The following FAF1 variants were observed in gnomAD, a reference collection of about 807,000 sequenced individuals.
The protein encoded by FAF1 is Fas associated factor 1, also known as FAS-associated factor 1.
In FAF1, 25 loss-of-function variants were observed where a neutral mutation model predicts 92.5. The ratio of observed to expected loss-of-function variants is 0.27; its 90% confidence interval spans 0.20 to 0.38. The LOEUF (loss-of-function observed/expected upper bound fraction) is 0.38. FAF1 is among the 10% of genes least tolerant of loss of function. The pLI is 1.00. For missense variants in FAF1, 636 were observed against 793.3 expected (o/e 0.80, Z 2.38); for synonymous variants, 234 against 273.2 (o/e 0.86, Z 1.42).
At chr1:50,688,983 T>A (rs1175801516) in intron 7 of FAF1, among the ~76,000 whole-genome samples, 1 of 152,140 alleles carries the variant, frequency 6.6e-6, no homozygotes, top group Non-Finnish European at 1.5e-5. Flanking sequence ...ATTAAGAATT[T>A]GACAGAAAGT....
At chr1:50,528,178 T>C (rs1370923268) in intron 15 of FAF1, among the ~76,000 whole-genome samples, 1 of 152,120 alleles carries the variant, frequency 6.6e-6, no homozygotes, top group Non-Finnish European at 1.5e-5. Context: ...TGCTGTCTCT[T>C]TTGAGCATTA....
chr1:50,511,402 C>G (rs999439352), intron 15 of FAF1, among the ~76,000 whole-genome samples: 3 of 152,082 alleles, frequency 2.0e-5, no homozygotes, highest in Non-Finnish European at 4.4e-5. Flanking sequence ...CCTAACCCCC[C>G]ACCCAACCCA....
chr1:50,533,714 T>C (rs1648312079), intron 15 of FAF1, among the ~76,000 whole-genome samples: 1 of 152,228 alleles, frequency 6.6e-6, no homozygotes, highest in South Asian at 2.1e-4. Context: ...TTACGTGTTC[T>C]AGGGAAATCT....
intron 1 of FAF1, among the ~76,000 whole-genome samples, chr1:50,940,787 T>C (rs1645126572): frequency 6.6e-6 from 1 of 152,214 alleles, no homozygotes; most frequent in Non-Finnish European, 1.5e-5. Context: ...AGTAACTACG[T>C]AATCTCAGTA....
At chr1:50,533,150 C>A (rs1267716932) in intron 15 of FAF1, among the ~76,000 whole-genome samples, 4 of 152,082 alleles carry the variant, frequency 2.6e-5, no homozygotes, top group African/African-American at 9.7e-5. Flanking sequence ...GTTGCCCTGG[C>A]TGGAATACAA....
intron 13 of FAF1, 136 bp downstream of exon 13, chr1:50,566,941 C>T (rs1025450500): frequency 5.3e-5 from 30 of 561,458 alleles, no homozygotes; most frequent in East Asian, 1.2e-4. Flanking sequence ...TTAGCTGCAA[C>T]GAGCAGCTTT....
rs999347201 is a variant in FAF1 at position 50,819,655 on chromosome 1, C to T, written c.115-17978G>A. Among the ~76,000 whole-genome samples, 21 of 136,836 alleles carry T rather than the reference C, an allele frequency of 1.5e-4. No individual in the cohort carries two copies. In the East Asian group the frequency reaches 1.8e-3, roughly 12 times the overall value. 89.8% of individuals were successfully genotyped at this position (136,836 alleles called of 152,430 possible). On this transcript the variant is annotated intron_variant, in intron 2 of 18. Coordinates refer to ENST00000396153, the MANE Select transcript of FAF1 (RefSeq NM_007051.3). ...TGACTCACTCACACACACACACACA[C>T]ACACACACACACACTCTCTCTCTGT...
At chr1:50,877,712 A>G (rs1644582045) in intron 1 of FAF1, among the ~76,000 whole-genome samples, 1 of 152,126 alleles carries the variant, frequency 6.6e-6, no homozygotes, top group Non-Finnish European at 1.5e-5. Flanking sequence ...CCTCCTGGCC[A>G]GGAAGAAATG....
intron 18 of FAF1, among the ~76,000 whole-genome samples, chr1:50,442,560 T>A (rs1646182087): frequency 6.6e-6 from 1 of 152,074 alleles, no homozygotes; most frequent in Non-Finnish European, 1.5e-5. Flanking sequence ...CAACTCCAAG[T>A]GTGTGATGGG....
At chr1:50,559,953 G>A (rs561079633) in intron 13 of FAF1, among the ~76,000 whole-genome samples, 28 of 152,296 alleles carry the variant, frequency 1.8e-4, no homozygotes, top group Non-Finnish European at 3.1e-4. Flanking sequence ...AATCTGGCAC[G>A]AAGGCTCTCC....
intron 18 of FAF1, among the ~76,000 whole-genome samples, chr1:50,457,095 T>A (rs754921558): frequency 6.0e-5 from 9 of 148,828 alleles, no homozygotes; most frequent in Admixed American, 1.3e-4. Flanking sequence ...AATGCATGCA[T>A]GAGGAAGGCT....
chr1:50,868,336 A>C (rs1329362014), intron 1 of FAF1, among the ~76,000 whole-genome samples: 1 of 152,220 alleles, frequency 6.6e-6, no homozygotes, highest in Non-Finnish European at 1.5e-5. Context: ...AATTTTTTAA[A>C]AAAGATAAAA....
chr1:50,941,499 G>A (rs1409695476), intron 1 of FAF1, among the ~76,000 whole-genome samples: 1 of 152,112 alleles, frequency 6.6e-6, no homozygotes, highest in African/African-American at 2.4e-5. Flanking sequence ...TTACAGGCAT[G>A]AGCCACCGTG....
At chr1:50,949,919 C>A (rs765471017) in intron 1 of FAF1, among the ~76,000 whole-genome samples, 23 of 151,944 alleles carry the variant, frequency 1.5e-4, no homozygotes, top group Admixed American at 1.5e-3. Flanking sequence ...TGGTGTGCAG[C>A]GGTGCAATCA....
chr1:50,729,465 G>A (rs1658828468), intron 6 of FAF1, among the ~76,000 whole-genome samples: 1 of 151,592 alleles, frequency 6.6e-6, no homozygotes, highest in South Asian at 2.1e-4. Flanking sequence ...CATAAAATAA[G>A]CAGCAATCCT....
At chr1:50,921,427 C>T (rs1395563720) in intron 1 of FAF1, among the ~76,000 whole-genome samples, 1 of 152,234 alleles carries the variant, frequency 6.6e-6, no homozygotes, top group Non-Finnish European at 1.5e-5. Context: ...TAAGGAGGTC[C>T]TACATCTGGA....
intron 1 of FAF1, among the ~76,000 whole-genome samples, chr1:50,919,928 C>T (rs1159676061): frequency 6.6e-6 from 1 of 152,148 alleles, no homozygotes; most frequent in Admixed American, 6.5e-5. Context: ...TGGTTTCATA[C>T]TGTATCAACT....
chr1:50,655,460 A>T lies in FAF1; in HGVS notation c.726T>A (p.Thr242=). Residue 242 remains threonine, a synonymous_variant, in exon 8 of 19, where the codon ACT becomes ACA. Transcript: ENST00000396153. ...CACTTACTGAGTCGTCTGTAGCAGAAGTTGGCCAGCCCTCCCATAATTGGT... is the reference window on the plus strand; with the variant it reads ...CACTTACTGAGTCGTCTGTAGCAGATGTTGGCCAGCCCTCCCATAATTGGT... The part of the protein sequence containing the change: ...VRHQLWEGWP[T]SATDDSMCLA... 1 of 1,613,350 alleles carries T rather than the reference A, an allele frequency of 6.2e-7. No individual in the cohort carries two copies. The highest frequency in any genetic ancestry group is 8.5e-7 in the Non-Finnish European group (1 of 1,179,222).
At chr1:50,677,072 T>C (rs182366862) in intron 7 of FAF1, among the ~76,000 whole-genome samples, 1 of 152,238 alleles carries the variant, frequency 6.6e-6, no homozygotes, top group African/African-American at 2.4e-5. Context: ...ACTTTATAAT[T>C]GAATAAATAC....
Sources: gnomAD v4.1 joint callset for allele counts (sites outside exome capture counted in the v4.1 genomes callset) on GRCh38, gnomAD v4.1.1 for gene constraint, MANE v1.5 for transcripts, NCBI Gene and HGNC (gene_info 2026-07-23, HGNC 2026-07-21) for gene names.